Variants in TOP6BL observed in about 807,000 individuals in gnomAD.
TOP6BL encodes the protein type 2 DNA topoisomerase 6 subunit B-like.
At chr11:66,778,008 T>G in the TOP6BL span, among the ~76,000 whole-genome samples, 1 of 152,202 alleles carries the variant, frequency 6.6e-6, no homozygotes, top group African/African-American at 2.4e-5. Context: ...GTTAAAAGTT[T>G]TAATTATATT....
the TOP6BL span, among the ~76,000 whole-genome samples, chr11:66,787,593 G>A: frequency 1.4e-3 from 213 of 148,914 alleles, no homozygotes; most frequent in African/African-American, 5.1e-3. Context: ...GGTGGTGCAT[G>A]CCTCTAATCC....
chr11:66,800,897 T>C, the TOP6BL span: 1 of 1,061,618 alleles, frequency 9.4e-7, no homozygotes, highest in Non-Finnish European at 1.4e-6. Flanking sequence ...AAGATTGCCA[T>C]TTTCCCCTTG....
chr11:66,753,908 T>G, the TOP6BL span, among the ~76,000 whole-genome samples: 1 of 152,058 alleles, frequency 6.6e-6, no homozygotes, highest in Admixed American at 6.6e-5. Flanking sequence ...TTTCACCATG[T>G]TGGCTAGGCT....
At chr11:66,790,773 A>G in the TOP6BL span, among the ~76,000 whole-genome samples, 1 of 152,162 alleles carries the variant, frequency 6.6e-6, no homozygotes, top group East Asian at 1.9e-4. Context: ...GGTCAAGGTC[A>G]TTATTGTTGA....
At chr11:66,793,994 CCTGG>C in the TOP6BL span, among the ~76,000 whole-genome samples, 1 of 151,236 alleles carries the variant, frequency 6.6e-6, no homozygotes, top group African/African-American at 2.4e-5. Context: ...CACTTGTAGT[CCTGG>C]CTATTTGGGA....
the TOP6BL span, among the ~76,000 whole-genome samples, chr11:66,793,517 C>T: frequency 7.1e-6 from 1 of 140,416 alleles, no homozygotes; most frequent in East Asian, 2.2e-4. Flanking sequence ...GTGATCTTGG[C>T]TCACTGCAAC....
At chr11:66,808,674 A>G in the TOP6BL span, among the ~76,000 whole-genome samples, 6 of 152,256 alleles carry the variant, frequency 3.9e-5, no homozygotes, top group South Asian at 1.2e-3. Flanking sequence ...TATAATAACC[A>G]ATGTTGAATA....
chr11:66,821,413 G>A, the TOP6BL span, among the ~76,000 whole-genome samples: 260 of 151,242 alleles, frequency 1.7e-3, no homozygotes, highest in African/African-American at 5.9e-3. Flanking sequence ...TCAGCCTCCC[G>A]AGTAGCTGGG....
At chr11:66,771,224 T>TC in the TOP6BL span, 1 of 151,592 alleles carries the variant, frequency 6.6e-6, no homozygotes, top group African/African-American at 2.4e-5. Context: ...GGTCTTGAAC[T>TC]CTTAGGCTCA....
chr11:66,832,933 T>C, the TOP6BL span, among the ~76,000 whole-genome samples: 1 of 152,168 alleles, frequency 6.6e-6, no homozygotes, highest in Non-Finnish European at 1.5e-5. Flanking sequence ...GTCTTGCCTC[T>C]TCTAGCTTCT....
At chr11:66,843,211 C>CT in the TOP6BL span, 1 of 1,610,812 alleles carries the variant, frequency 6.2e-7, no homozygotes, top group Non-Finnish European at 8.5e-7. Context: ...GTCAGAGTGG[C>CT]TGAGTCCCAG....
chr11:66,750,103 A>AT, the TOP6BL span, among the ~76,000 whole-genome samples: 1 of 152,176 alleles, frequency 6.6e-6, no homozygotes, highest in African/African-American at 2.4e-5. Context: ...ATCAATATCC[A>AT]TTTTTTAGAA....
At chr11:66,796,987 C>G in the TOP6BL span, among the ~76,000 whole-genome samples, 1 of 151,326 alleles carries the variant, frequency 6.6e-6, no homozygotes, top group South Asian at 2.1e-4. Flanking sequence ...GGCACTGCAC[C>G]TGGCCCAAGG....
At chr11:66,760,918 G>T in the TOP6BL span, among the ~76,000 whole-genome samples, 201 of 150,668 alleles carry the variant, frequency 1.3e-3, no homozygotes, top group Non-Finnish European at 2.4e-3. Context: ...TTTTCTTCGT[G>T]CTTTGTAAAA....
the TOP6BL span, among the ~76,000 whole-genome samples, chr11:66,807,340 G>A: frequency 1.3e-5 from 2 of 152,204 alleles, no homozygotes; most frequent in Non-Finnish European, 2.9e-5. Context: ...GGGAGGCCAA[G>A]GTGGATGGAT....
the TOP6BL span, among the ~76,000 whole-genome samples, chr11:66,784,198 T>A: frequency 6.6e-6 from 1 of 151,304 alleles, no homozygotes; most frequent in South Asian, 2.1e-4. Context: ...GCCTGGCTAA[T>A]TTTTTTTTGT....
At chr11:66,770,227 C>G in the TOP6BL span, among the ~76,000 whole-genome samples, 1 of 152,134 alleles carries the variant, frequency 6.6e-6, no homozygotes, top group South Asian at 2.1e-4. Context: ...CTTGGCCTTC[C>G]CAGCCTTCAG....
chr11:66,744,823 G>GGCA, the TOP6BL span: 1 of 1,293,410 alleles, frequency 7.7e-7, no homozygotes, highest in Non-Finnish European at 9.9e-7. Flanking sequence ...AGGAGGGGGC[G>GGCA]GCGGCGGCGG....
the TOP6BL span, chr11:66,748,347 A>G: frequency 6.7e-7 from 1 of 1,484,150 alleles, no homozygotes; most frequent in Non-Finnish European, 9.1e-7. Context: ...TCTAAAGAAG[A>G]TTATGTTTTC....
Sources: gnomAD v4.1 joint callset for allele counts (sites outside exome capture counted in the v4.1 genomes callset) on GRCh38, gnomAD v4.1.1 for gene constraint, MANE v1.5 for transcripts, NCBI Gene and HGNC (gene_info 2026-07-23, HGNC 2026-07-21) for gene names.